The following ZNF654 variants were observed in gnomAD, a reference collection of about 807,000 sequenced individuals.
ZNF654 encodes the protein zinc finger protein 654.
A neutral mutation model predicts 95.3 loss-of-function variants in ZNF654; 19 were observed. The ratio of observed to expected loss-of-function variants is 0.20; its 90% confidence interval spans 0.14 to 0.29. The LOEUF (loss-of-function observed/expected upper bound fraction) is 0.29. Ranked by LOEUF, ZNF654 falls within the 10% of genes least tolerant of loss-of-function variation. The probability of loss-of-function intolerance (pLI) is 1.00; values close to 1 mark genes in which losing one functional copy is unlikely to be tolerated. For missense variants in ZNF654, 1,046 were observed against 1,341.0 expected (o/e 0.78, Z 3.44); for synonymous variants, 413 against 457.9 (o/e 0.90, Z 1.25).
Position 88,139,544 on chromosome 3 carries a change from C to T in ZNF654, c.1875C>T (p.Ser625=). ...ALEEINCSSS[S]ISFENGNSDS... ...AAGAAATAAATTGTTCTAGTTCTTC[C>T]ATTTCATTTGAAAATGGGAATTCTG... Residue 625 remains serine (S), a synonymous_variant, in exon 8 of 9, where the codon TCC becomes TCT. Transcript: ENST00000636215. 6.2e-7 allele frequency: 1 copy of T among 1,613,416 alleles called. No individual in the cohort carries two copies. The highest frequency in any genetic ancestry group is 8.5e-7 in the Non-Finnish European group (1 of 1,179,702).
chr3:88,131,279 G>T (rs139769338), intron 6 of ZNF654, among the ~76,000 whole-genome samples: 4 of 152,118 alleles, frequency 2.6e-5, no homozygotes, highest in Non-Finnish European at 5.9e-5. Flanking sequence ...TGTTGTATAC[G>T]CAGTCTTCTG....
intron 4 of ZNF654, among the ~76,000 whole-genome samples, chr3:88,127,372 C>T (rs4513473): frequency 0.94 from 143,345 of 151,952 alleles, 68,076 homozygotes; most frequent in Non-Finnish European, 1. Flanking sequence ...CTAAGGTATA[C>T]GTGACAGTGT....
At chr3:88,088,765 G>A (rs541485663) in intron 2 of ZNF654, among the ~76,000 whole-genome samples, 6 of 149,488 alleles carry the variant, frequency 4.0e-5, no homozygotes, top group African/African-American at 1.5e-4. Context: ...TGTATGTATG[G>A]ATGGATGGAT....
At chr3:88,113,218 C>T (rs1229623700) in intron 3 of ZNF654, 22 bp downstream of exon 3, 2 of 1,441,048 alleles carry the variant, frequency 1.4e-6, no homozygotes, top group Non-Finnish European at 1.9e-6. Context: ...TTTACTACTT[C>T]ACACTTTGTC....
At chr3:88,134,719 TATTA>T (rs1015430208) in intron 6 of ZNF654, among the ~76,000 whole-genome samples, 2 of 152,076 alleles carry the variant, frequency 1.3e-5, no homozygotes, top group African/African-American at 4.8e-5. Context: ...ACAAGTAAAA[TATTA>T]ATTAAAGGCC....
rs1432026274 is a variant in ZNF654 at position 88,059,461 on chromosome 3, G to A, written c.142G>A (p.Gly48Ser). Residue 48 changes from glycine (G) to serine (S), a missense_variant, in exon 1 of 9, where the codon GGC becomes AGC. Physicochemically the swap from Gly to Ser is moderately conservative, Grantham distance 56. This residue lies in a region of ZNF654 where 89 missense variants were observed against 77.9 expected (regional missense o/e 1.14). Transcript: ENST00000636215. ...CGCTGGCAGCGGCAACTGCGGCGGC[G>A]GCGTCGGAATCAGCAGTCGGGATTA... ...GGAGSGNCGG[G>S]VGISSRDYCR... is the part of the protein sequence containing the mutation. 7.9e-6 allele frequency: 12 copies of A among 1,522,378 alleles called. No homozygotes were observed. The highest frequency in any genetic ancestry group is 7.9e-6 in the Non-Finnish European group (9 of 1,142,030). The allele number at this position is 1,522,378 out of a possible 1,614,324, so 94.3% of individuals were successfully genotyped here.
At chr3:88,077,878 C>T (rs1196388405) in intron 1 of ZNF654, among the ~76,000 whole-genome samples, 3 of 152,122 alleles carry the variant, frequency 2.0e-5, no homozygotes, top group Non-Finnish European at 4.4e-5. Context: ...TCTGTATACT[C>T]TGTGTTGTAG....
At position 88,129,868 on chromosome 3, in the gene ZNF654, C is replaced by T. The variant is rs1016931195; in HGVS notation, c.893+42C>T. 4.5e-6 allele frequency: 6 copies of T among 1,344,700 alleles called. No individual in the cohort carries two copies. In the African/African-American group the frequency reaches 8.8e-5, roughly 20 times the overall value. The allele number at this position is 1,344,700 out of a possible 1,614,324, so 83.3% of individuals were successfully genotyped here. On this transcript the variant is annotated intron_variant, in intron 6 of 8. Transcript: ENST00000636215. The stretch of plus-strand genomic sequence containing the variant: ...AAAGAAATTGAAATGGTAAGATGGG[C>T]AACAGAAAGGAAATTGCAGTTTGAA...
chr3:88,088,753 TATGTATGTATGGATGG>T (rs1559701610), intron 2 of ZNF654, among the ~76,000 whole-genome samples: 3 of 118,078 alleles, frequency 2.5e-5, no homozygotes, highest in Non-Finnish European at 3.9e-5. Context: ...TTTATGTATG[TATGTATGTATGGATGG>T]ATGGATGGAT....
Position 88,094,092 on chromosome 3 carries a change from A to G in ZNF654, c.332+7690A>G, listed in dbSNP as rs373904236. ...TCTATTTCTTTGTCTTCTCTGAGGA[A>G]GAGATAATATTCTTTTTTTTTTTTG... On this transcript the variant is annotated intron_variant, in intron 2 of 8. Coordinates refer to ENST00000636215, the MANE Select transcript of ZNF654 (RefSeq NM_001350134.2). Among the ~76,000 whole-genome samples the G allele has an allele frequency of 2.6e-4, 35 of 134,794 alleles. 1 individual carries two copies. The South Asian group carries it at 6.6e-3, about 25-fold the overall frequency. 88.4% of individuals were successfully genotyped at this position (134,794 alleles called of 152,430 possible).
intron 2 of ZNF654, among the ~76,000 whole-genome samples, chr3:88,112,100 TTGA>T (rs1705127452): frequency 6.6e-6 from 1 of 151,928 alleles, no homozygotes; most frequent in East Asian, 1.9e-4. Context: ...TTTTGGTCTG[TTGA>T]TATTTTAAAA....
At chr3:88,068,032 A>G (rs1240562276) in intron 1 of ZNF654, among the ~76,000 whole-genome samples, 2 of 152,212 alleles carry the variant, frequency 1.3e-5, no homozygotes, top group African/African-American at 4.8e-5. Context: ...CAACACTCAA[A>G]GCACAAGTGG....
chr3:88,130,895 T>G lies in ZNF654; in HGVS notation c.893+1069T>G, dbSNP rs532859788. Among the ~76,000 whole-genome samples the G allele has an allele frequency of 2.6e-5, 4 of 152,282 alleles. No individual in the cohort carries two copies. The South Asian group carries it at 8.3e-4, about 32-fold the overall frequency. On this transcript the variant is annotated intron_variant, in intron 6 of 8. Transcript: ENST00000636215. ...TATACCTTTAGTTAGATTATGCTAA[T>G]TTTTATTTAAAATTATACCATGTAA...
chr3:88,088,761 T>TGTATGG (rs1559701696), intron 2 of ZNF654, among the ~76,000 whole-genome samples: 1 of 126,428 alleles, frequency 7.9e-6, no homozygotes, highest in Admixed American at 7.7e-5. Flanking sequence ...TGTATGTATG[T>TGTATGG]ATGGATGGAT....
intron 1 of ZNF654, among the ~76,000 whole-genome samples, chr3:88,070,854 C>T (rs1005576337): frequency 1.3e-5 from 2 of 152,098 alleles, no homozygotes; most frequent in Non-Finnish European, 2.9e-5. Context: ...CCTTAAGACA[C>T]ACAGCTAGAA....
At chr3:88,117,995 A>G (rs758499441) in intron 3 of ZNF654, among the ~76,000 whole-genome samples, 5 of 152,150 alleles carry the variant, frequency 3.3e-5, no homozygotes, top group Non-Finnish European at 7.4e-5. Flanking sequence ...AATTAAGAGA[A>G]ACATAGATGT....
chr3:88,106,893 C>T (rs1704775155), intron 2 of ZNF654, among the ~76,000 whole-genome samples: 1 of 152,012 alleles, frequency 6.6e-6, no homozygotes, highest in South Asian at 2.1e-4. Context: ...ATTTGAGATG[C>T]TGTTTTTATC....
intron 2 of ZNF654, among the ~76,000 whole-genome samples, chr3:88,101,128 A>T (rs1704396881): frequency 6.6e-6 from 1 of 152,178 alleles, no homozygotes; most frequent in Admixed American, 6.6e-5. Flanking sequence ...AAGCTTTATT[A>T]AAAAGTATAA....
chr3:88,135,820 C>T (rs1361575108), intron 7 of ZNF654, among the ~76,000 whole-genome samples: 2 of 151,770 alleles, frequency 1.3e-5, no homozygotes, highest in East Asian at 1.9e-4. Flanking sequence ...AATAAGACTT[C>T]GAGTATAAAG....
Sources: allele counts gnomAD v4.1 joint callset (sites outside exome capture counted in the v4.1 genomes callset), GRCh38; gene constraint gnomAD v4.1.1; regional missense constraint gnomAD v4.1.1; transcripts MANE v1.5; gene names NCBI Gene and HGNC (gene_info 2026-07-23, HGNC 2026-07-21).